The following ADAMTS20 variants were observed in gnomAD, a reference collection of about 807,000 sequenced individuals.
ADAMTS20 encodes ADAM metallopeptidase with thrombospondin type 1 motif 20, also known as A disintegrin and metalloproteinase with thrombospondin motifs 20.
Under a neutral mutation model 260.1 loss-of-function variants are expected in ADAMTS20, and 225 were observed. The observed-to-expected ratio is 0.87, with a 90% CI of 0.78 to 0.97. The LOEUF (loss-of-function observed/expected upper bound fraction) is 0.97, where lower values mean the gene tolerates loss of function less well. Ranked by LOEUF, ADAMTS20 falls within the 50% of genes least tolerant of loss-of-function variation. The pLI, the probability that ADAMTS20 is intolerant of heterozygous loss-of-function variation, is 0.00. For missense variants in ADAMTS20, 2,400 were observed against 2,337.7 expected (o/e 1.03, Z -0.55); for synonymous variants, 802 against 769.5 (o/e 1.04, Z -0.70).
rs747995903 is a variant in ADAMTS20, at chr12:43,446,689, T to C, written c.2103A>G (p.Leu701=). Residue 701 remains leucine (L), a synonymous_variant, in exon 15 of 39, where the codon TTA becomes TTG. Transcript: ENST00000389420. ...QCMAAGCDHV[L]NSSAKIDKCG... is the part of the protein sequence containing the mutation. ...ATTTGTCTATCTTGGCACTGGAGTT[T>C]AACACGTGATCACAACCAGCTGCCT... The C allele has an allele frequency of 1.2e-6, 2 of 1,613,252 alleles. No individual in the cohort carries two copies. Among genetic ancestry groups the C allele is most frequent in the Non-Finnish European group, 1.7e-6 (2 of 1,179,486 alleles).
In ADAMTS20 at chr12:43,492,531, G is replaced by C. The variant is rs1304396092; in HGVS notation, c.1050C>G (p.His350Gln). The change falls in exon 6 of 39, where the codon CAC becomes CAG. Residue 350 changes from histidine (H) to glutamine (Q), a missense_variant. Transcript: ENST00000389420. The part of the protein sequence containing the change: ...QNDLDDVHPS[H>Q]HDTAVLITRE... The stretch of plus-strand genomic sequence containing the variant: ...TAGTGATAAGAACAGCAGTGTCATG[G>C]TGGGAAGGGTGAACATCATCAAGGT... The C allele has an allele frequency of 6.2e-7, 1 of 1,613,780 alleles. No homozygotes were observed. The highest frequency in any genetic ancestry group is 8.5e-7 in the Non-Finnish European group (1 of 1,179,828).
chr12:43,384,301 T>TC (rs2137228178), intron 29 of ADAMTS20, among the ~76,000 whole-genome samples: 1 of 152,294 alleles, frequency 6.6e-6, no homozygotes, highest in South Asian at 2.1e-4. Context: ...TAATCATGAA[T>TC]TATTCCACAA....
intron 2 of ADAMTS20, among the ~76,000 whole-genome samples, chr12:43,549,138 G>A (rs1254528710): frequency 6.6e-6 from 1 of 151,406 alleles, no homozygotes; most frequent in African/African-American, 2.4e-5. Context: ...TTATTAATGA[G>A]TACATTGCTA....
rs1208306488 is a variant in ADAMTS20, at chr12:43,431,445, G to C, written c.3148C>G (p.Leu1050Val). The change falls in exon 22 of 39, where the codon CTG becomes GTG. Residue 1050 changes from leucine (L) to valine (V), a missense_variant. Coordinates refer to ENST00000389420, the MANE Select transcript of ADAMTS20 (RefSeq NM_025003.5). ...CCATCACTCAAGTGATCTACATTCA[G>C]CTGACACCATACCTGCCGCTGCTTT... Reference protein sequence around the residue: ...GTKQRQVWCQLNVDHLSDGFC... With the variant: ...GTKQRQVWCQVNVDHLSDGFC... The C allele has an allele frequency of 6.2e-7, 1 of 1,613,982 alleles. No individual in the cohort carries two copies. The highest frequency in any genetic ancestry group is 1.1e-5 in the South Asian group (1 of 91,084).
intron 28 of ADAMTS20, among the ~76,000 whole-genome samples, chr12:43,404,218 C>A (rs924653817): frequency 2.1e-5 from 3 of 142,406 alleles, no homozygotes; most frequent in African/African-American, 7.8e-5. Context: ...CACACACACA[C>A]AAATAGAAAG....
chr12:43,414,474 C>T (rs560713134), intron 28 of ADAMTS20, among the ~76,000 whole-genome samples: 2 of 152,078 alleles, frequency 1.3e-5, no homozygotes, highest in South Asian at 4.1e-4. Context: ...GTACTTATAT[C>T]CAGAACAAAA....
In ADAMTS20 at chr12:43,520,415, TG is replaced by T. The variant is rs780180764; in HGVS notation, c.613+11620del. Reference sequence around the variant, plus strand: ...TTTAAAAAATGCTTAACTTAGGAGATGGGAAACCAGTAACAACCAAGAAGGG... The same window carrying T: ...TTTAAAAAATGCTTAACTTAGGAGATGGAAACCAGTAACAACCAAGAAGGG... On this transcript the variant is annotated intron_variant, in intron 3 of 38. Coordinates refer to ENST00000389420, the MANE Select transcript of ADAMTS20 (RefSeq NM_025003.5). Among the ~76,000 whole-genome samples the T allele has an allele frequency of 2.0e-5, 3 of 151,918 alleles. No individual in the cohort carries two copies. The East Asian group carries it at 5.8e-4, about 29-fold the overall frequency.
At chr12:43,379,163 C>T (rs543219599) in intron 31 of ADAMTS20, among the ~76,000 whole-genome samples, 6 of 152,136 alleles carry the variant, frequency 3.9e-5, no homozygotes, top group Non-Finnish European at 1.5e-5. Context: ...GAAGACCCCA[C>T]TTGCAAGAAT....
At chr12:43,468,539 T>C in intron 8 of ADAMTS20, 61 bp downstream of exon 8, 1 of 1,027,522 alleles carries the variant, frequency 9.7e-7, no homozygotes, top group Non-Finnish European at 1.5e-6. Flanking sequence ...AGATAGAATT[T>C]CAGGCATTCT....
At chr12:43,467,764 GAACTGA>G (rs1265777178) in intron 8 of ADAMTS20, among the ~76,000 whole-genome samples, 2 of 152,182 alleles carry the variant, frequency 1.3e-5, no homozygotes, top group South Asian at 2.1e-4. Flanking sequence ...TGCAAAAAGG[GAACTGA>G]AGAGATGATC....
intron 4 of ADAMTS20, among the ~76,000 whole-genome samples, chr12:43,499,397 C>T (rs1318363509): frequency 6.6e-6 from 1 of 152,108 alleles, no homozygotes; most frequent in East Asian, 1.9e-4. Context: ...GTCTCCATTC[C>T]CTTCAATTAA....
chr12:43,423,934 T>C (rs1485150764), intron 28 of ADAMTS20: 1 of 709,064 alleles, frequency 1.4e-6, no homozygotes, highest in Non-Finnish European at 2.6e-6. Flanking sequence ...CCTATAAAGT[T>C]AAAATGTTCT....
Position 43,432,796 on chromosome 12 carries a change from G to A in ADAMTS20, c.2736C>T (p.Gly912=), listed in dbSNP as rs746630594. 10 of 1,613,530 alleles carry A rather than the reference G, an allele frequency of 6.2e-6. No homozygotes were observed. The South Asian group carries it at 1.1e-4, about 18-fold the overall frequency. The change falls in exon 20 of 39, where the codon GGC becomes GGT. Residue 912 remains glycine (G), a synonymous_variant. Transcript: ENST00000389420. ...TDCELRWHVI[G]KSECSSQCGQ... is the part of the protein sequence containing the mutation. ...CACATTGGGATGAACATTCACTTTT[G>A]CCAATAACATGCCACCTTGAAAAAA...
chr12:43,489,644 G>A (rs1484897657), intron 7 of ADAMTS20, among the ~76,000 whole-genome samples: 1 of 151,746 alleles, frequency 6.6e-6, no homozygotes, highest in Non-Finnish European at 1.5e-5. Flanking sequence ...TGTAAAAATT[G>A]GTATAACCCC....
At chr12:43,444,908 T>C (rs1481116963) in intron 15 of ADAMTS20, among the ~76,000 whole-genome samples, 1 of 152,198 alleles carries the variant, frequency 6.6e-6, no homozygotes, top group Non-Finnish European at 1.5e-5. Context: ...ATCTAAGGCA[T>C]CACATTTTTA....
chr12:43,444,544 A>AGTT (rs1353729581), intron 15 of ADAMTS20, among the ~76,000 whole-genome samples: 4 of 152,184 alleles, frequency 2.6e-5, no homozygotes, highest in African/African-American at 4.8e-5. Context: ...CATTTTATGA[A>AGTT]GCCAAATTCA....
Position 43,428,325 on chromosome 12 carries a change from T to C in ADAMTS20, c.3861A>G (p.Leu1287=). The C allele has an allele frequency of 6.2e-7, 1 of 1,613,978 alleles. No individual in the cohort carries two copies. Among genetic ancestry groups the C allele is most frequent in the Non-Finnish European group, 8.5e-7 (1 of 1,179,884 alleles). The change falls in exon 26 of 39, where the codon TTA becomes TTG. Residue 1287 remains leucine, a synonymous_variant. Coordinates refer to ENST00000389420, the MANE Select transcript of ADAMTS20 (RefSeq NM_025003.5). ...PSYYLSTNLP[L]TQKLEDNENQ... ...TTTCATTATCTTCAAGTTTTTGAGT[T>C]AATGGCAAATTCGTGCTTAGATAAT...
At chr12:43,352,815 A>G (rs1939665126), downstream of ADAMTS20, among the ~76,000 whole-genome samples, 1 of 152,228 alleles carries the variant, frequency 6.6e-6, no homozygotes, top group Admixed American at 6.5e-5. Flanking sequence ...GTAAGATTCT[A>G]AATATACATG....
chr12:43,503,932 TGTACCAC>T (rs1942804440), intron 3 of ADAMTS20, among the ~76,000 whole-genome samples: 1 of 152,226 alleles, frequency 6.6e-6, no homozygotes, highest in Admixed American at 6.5e-5. Context: ...ATAGTATATA[TGTACCAC>T]CATTTTCTTT....
Sources: gnomAD v4.1 joint callset for allele counts (sites outside exome capture counted in the v4.1 genomes callset) on GRCh38, gnomAD v4.1.1 for gene constraint, MANE v1.5 for transcripts, NCBI Gene and HGNC (gene_info 2026-07-23, HGNC 2026-07-21) for gene names.